Variants in PPFIA3 observed in about 807,000 individuals in gnomAD.
PPFIA3 encodes PPFI scaffold protein A3.
In PPFIA3, 26 loss-of-function variants were observed where a neutral mutation model predicts 145.8. The ratio of observed to expected loss-of-function variants is 0.18; its 90% CI spans 0.13 to 0.25. PPFIA3 has a LOEUF of 0.25. Ranked by LOEUF, PPFIA3 falls within the 10% of genes least tolerant of loss-of-function variation. The pLI is 1.00. For synonymous variants in PPFIA3, 645 were observed against 661.4 expected (o/e 0.98, Z 0.38); for missense variants, 1,008 against 1,587.8 (o/e 0.63, Z 6.21).
At chr19:49,121,864 T>G (rs1423950154) in intron 1 of PPFIA3, among the ~76,000 whole-genome samples, 1 of 151,812 alleles carries the variant, frequency 6.6e-6, no homozygotes, top group Non-Finnish European at 1.5e-5. Context: ...CTGAAACTCC[T>G]AGGCTCAAGG....
At chr19:49,141,682 G>T (rs1235925061) in intron 19 of PPFIA3, among the ~76,000 whole-genome samples, 169 bp downstream of exon 19, 1 of 151,788 alleles carries the variant, frequency 6.6e-6, no homozygotes, top group East Asian at 1.9e-4. Flanking sequence ...TTCAATGCTG[G>T]GAGGAGGTGT....
intron 16 of PPFIA3, 84 bp downstream of exon 16, chr19:49,138,511 C>A: frequency 1.7e-6 from 2 of 1,175,300 alleles, no homozygotes; most frequent in Non-Finnish European, 2.3e-6. Context: ...GCAACAATAA[C>A]CCCTCACACC....
rs749951037 is a variant in PPFIA3, at chr19:49,130,901, G to T, written c.879+302G>T. 6.6e-6 allele frequency among the ~76,000 whole-genome samples: 1 copy of T among 151,836 alleles called. No homozygotes were observed. The highest frequency in any genetic ancestry group is 1.5e-5 in the Non-Finnish European group (1 of 67,992). ...TTGTGAGGCAGAGTCTGGCTGTGTCGCCCAGGCTGGAGTGCAGTGGCGTGA... is the reference window on the plus strand; with the variant it reads ...TTGTGAGGCAGAGTCTGGCTGTGTCTCCCAGGCTGGAGTGCAGTGGCGTGA... On this transcript the variant is annotated intron_variant, in intron 7 of 29. Transcript: ENST00000334186. The surrounding 1 kb of genome is among the most constrained non-coding windows in gnomAD (Gnocchi z 4.5).
Position 49,149,582 on chromosome 19 carries a change from G to C in PPFIA3, c.3390G>C (p.Trp1130Cys). 6.2e-7 allele frequency: 1 copy of C among 1,614,252 alleles called. No homozygotes were observed. The highest frequency in any genetic ancestry group is 8.5e-7 in the Non-Finnish European group (1 of 1,180,050). Reference protein sequence around the residue: ...SAKSFSRSPSWRKMFREKDLR... With the variant: ...SAKSFSRSPSCRKMFREKDLR... ...AGTCTTTCAGCCGCTCCCCATCCTG[G>C]CGGAAGATGTTCCGGGAGAAGGACC... The change falls in exon 28 of 30, where the codon TGG becomes TGC. Residue 1130 changes from tryptophan to cysteine, a missense_variant. Transcript: ENST00000334186. The surrounding 1 kb of genome is among the most constrained non-coding windows in gnomAD (Gnocchi z 5.7).
chr19:49,141,936 C>T, intron 19 of PPFIA3, 98 bp from the exon 20 acceptor site: 9 of 747,084 alleles, frequency 1.2e-5, no homozygotes, highest in Non-Finnish European at 1.8e-5. Context: ...TGCGTATGTG[C>T]ATGTGTGTGT....
At position 49,142,837 on chromosome 19, in the gene PPFIA3, G is replaced by A. The variant is rs767146620; in HGVS notation, c.2578G>A (p.Ala860Thr). Residue 860 changes from alanine (A) to threonine (T), a missense_variant, in exon 21 of 30, where the codon GCC (alanine) becomes ACC (threonine). Coordinates refer to ENST00000334186, the MANE Select transcript of PPFIA3 (RefSeq NM_003660.4). ...WVGMPAWYVA[A>T]CRANVKSGAI... ...GGGCATGCCTGCCTGGTATGTGGCC[G>A]CCTGCCGGGCCAATGTCAAGAGCGG... The A allele has an allele frequency of 6.2e-7, 1 of 1,613,554 alleles. No homozygotes were observed. The highest frequency in any genetic ancestry group is 8.5e-7 in the Non-Finnish European group (1 of 1,179,946).
chr19:49,149,904 C>A lies in PPFIA3; in HGVS notation c.3527-176C>A. ...TAAATCCCACTCCCCCTTCCCAGGG[C>A]GGGAGTGAACTCGCCCAATGCGAGT... On this transcript the variant is annotated intron_variant, in intron 28 of 29. Transcript: ENST00000334186. This position sits in a 1 kb window ranked among gnomAD's most constrained non-coding sequence, Gnocchi z 5.7. 1.8e-6 allele frequency: 2 copies of A among 1,103,634 alleles called. No individual in the cohort carries two copies. Among genetic ancestry groups the A allele is most frequent in the Non-Finnish European group, 2.6e-6 (2 of 782,462 alleles). 68.4% of individuals were successfully genotyped at this position (1,103,634 alleles called of 1,614,324 possible).
intron 7 of PPFIA3, 94 bp from the exon 8 acceptor site, chr19:49,132,907 A>G (rs1019233859): frequency 6.6e-7 from 1 of 1,505,112 alleles, no homozygotes; most frequent in Non-Finnish European, 9.0e-7. Flanking sequence ...TCTGACTCCC[A>G]TGTCAGGGCA....
intron 18 of PPFIA3, 149 bp downstream of exon 18, chr19:49,140,237 A>C: frequency 1.9e-6 from 2 of 1,076,802 alleles, no homozygotes; most frequent in Non-Finnish European, 2.6e-6. Context: ...ACAGCTTGCC[A>C]AGGTAGGCGG....
rs1363076989 is a variant in PPFIA3, at chr19:49,126,399, C to T, written c.-15-1460C>T. Among the ~76,000 whole-genome samples, 4 of 152,068 alleles carry T rather than the reference C, an allele frequency of 2.6e-5. No homozygotes were observed. The East Asian group carries it at 5.8e-4, about 22-fold the overall frequency. ...CAGTGGCTGGGACTACAGGTGCATGCCACCATGCCCGGCTAATTTTTTTTG... is the reference window on the plus strand; with the variant it reads ...CAGTGGCTGGGACTACAGGTGCATGTCACCATGCCCGGCTAATTTTTTTTG... On this transcript the variant is annotated intron_variant, in intron 1 of 29. Coordinates refer to ENST00000334186, the MANE Select transcript of PPFIA3 (RefSeq NM_003660.4).
chr19:49,142,662 T>TTTC (rs1421644712), intron 20 of PPFIA3, 142 bp from the exon 21 acceptor site: 3 of 505,310 alleles, frequency 5.9e-6, no homozygotes, highest in Non-Finnish European at 1.0e-5. Context: ...CCTTGTCCTG[T>TTTC]TTCTTCTCCT....
chr19:49,130,607 C>G lies in PPFIA3; in HGVS notation c.879+8C>G, dbSNP rs978307902. 3 of 1,548,990 alleles carry G rather than the reference C, an allele frequency of 1.9e-6. No homozygotes were observed. Among genetic ancestry groups the G allele is most frequent in the Admixed American group, 2.0e-5 (1 of 51,002 alleles). On this transcript the variant is annotated splice_region_variant and intron_variant, in intron 7 of 29. Coordinates refer to ENST00000334186, the MANE Select transcript of PPFIA3 (RefSeq NM_003660.4). The surrounding 1 kb of genome is among the most constrained non-coding windows in gnomAD (Gnocchi z 4.5). ...CAGCGCGACCTCAAGGAGGTGAGGC[C>G]CCCAGGGAGGCGGGCTGCCCTGGGT...
At chr19:49,131,838 G>A (rs1478421851) in intron 7 of PPFIA3, among the ~76,000 whole-genome samples, 19 of 149,318 alleles carry the variant, frequency 1.3e-4, no homozygotes, top group East Asian at 1.0e-3. Flanking sequence ...GTGAAACCCC[G>A]TCTCCACTAA....
intron 5 of PPFIA3, among the ~76,000 whole-genome samples, chr19:49,129,743 G>A (rs2041046513): frequency 6.6e-6 from 1 of 152,178 alleles, no homozygotes; most frequent in Non-Finnish European, 1.5e-5. Context: ...GGAAAAGCGG[G>A]GCTAAAGCGG....
intron 11 of PPFIA3, 80 bp from the exon 12 acceptor site, chr19:49,134,559 G>A (rs2041114436): frequency 1.5e-6 from 2 of 1,325,090 alleles, no homozygotes; most frequent in Admixed American, 1.7e-5. Context: ...AGGCCTGTCT[G>A]TGTGCACTGG....
intron 23 of PPFIA3, 141 bp downstream of exon 23, chr19:49,146,333 G>C: frequency 9.2e-7 from 1 of 1,089,116 alleles, no homozygotes; most frequent in Non-Finnish European, 1.3e-6. Context: ...CTTGGCTCTG[G>C]ACTGTTCCAT....
Position 49,142,796 on chromosome 19 carries a change from C to T in PPFIA3, c.2545-8C>T, listed in dbSNP as rs2041240295. 6.2e-7 allele frequency: 1 copy of T among 1,612,658 alleles called. No individual in the cohort carries two copies. The highest frequency in any genetic ancestry group is 1.1e-5 in the South Asian group (1 of 90,962). ...TGTCCCCTCTGTCCCTCTGTCCCTC[C>T]GCTGCAGCTGTGGGTGGGCATGCCT... On this transcript the variant is annotated splice_region_variant and splice_polypyrimidine_tract_variant and intron_variant, in intron 20 of 29. Coordinates refer to ENST00000334186, the MANE Select transcript of PPFIA3 (RefSeq NM_003660.4).
At position 49,143,763 on chromosome 19, in the gene PPFIA3, C is replaced by G. The variant is rs145140208; in HGVS notation, c.2745+759C>G. On this transcript the variant is annotated intron_variant, in intron 21 of 29. Coordinates refer to ENST00000334186, the MANE Select transcript of PPFIA3 (RefSeq NM_003660.4). ...GATTCTCAAACTTTTGCTGTACTTG[C>G]TCTGTTGTGTGTGTGGGGTGGAGGC... Among the ~76,000 whole-genome samples, 26 of 152,226 alleles carry G rather than the reference C, an allele frequency of 1.7e-4. No homozygotes were observed. In the East Asian group the frequency reaches 5.0e-3, roughly 29 times the overall value.
chr19:49,124,050 T>G (rs1250853693), intron 1 of PPFIA3, among the ~76,000 whole-genome samples: 1 of 152,104 alleles, frequency 6.6e-6, no homozygotes, highest in Admixed American at 6.6e-5. Context: ...ACATGCATCC[T>G]TTTGATCCCT....
Sources: gnomAD v4.1 joint callset for allele counts (sites outside exome capture counted in the v4.1 genomes callset) on GRCh38, gnomAD v4.1.1 for gene constraint, Gnocchi (gnomAD v3.1) non-coding constraint, MANE v1.5 for transcripts, NCBI Gene and HGNC (gene_info 2026-07-23, HGNC 2026-07-21) for gene names.